The following GRIN2A variants were observed in gnomAD, a reference collection of about 807,000 sequenced individuals.
GRIN2A encodes glutamate receptor ionotropic, NMDA 2A.
In GRIN2A, 22 loss-of-function variants were observed where a neutral mutation model predicts 113.4. The observed-to-expected ratio is 0.19, with a 90% CI of 0.14 to 0.28. The LOEUF is 0.28. GRIN2A is among the 10% of genes least tolerant of loss of function. The probability of loss-of-function intolerance (pLI) is 1.00; values close to 1 mark genes in which losing one functional copy is unlikely to be tolerated. For missense variants in GRIN2A, 1,502 were observed against 1,887.0 expected (o/e 0.80, Z 3.78); for synonymous variants, 827 against 738.4 (o/e 1.12, Z -1.94).
intron 2 of GRIN2A, among the ~76,000 whole-genome samples, chr16:10,106,986 C>T (rs761637001): frequency 3.3e-5 from 5 of 152,146 alleles, no homozygotes; most frequent in Non-Finnish European, 7.3e-5. Context: ...ACATGATGTT[C>T]ATCTCATAAA....
At chr16:9,834,075 A>T in intron 8 of GRIN2A, 30 bp downstream of exon 8, 1 of 1,609,482 alleles carries the variant, frequency 6.2e-7, no homozygotes, top group Non-Finnish European at 8.5e-7. Flanking sequence ...TTGCAACAAC[A>T]TTGAATCATG....
intron 2 of GRIN2A, among the ~76,000 whole-genome samples, chr16:9,996,024 C>CAAAAAA (rs57133009): frequency 2.5e-4 from 13 of 51,134 alleles, no homozygotes; most frequent in East Asian, 1.9e-3. Flanking sequence ...CAGAGGGTGG[C>CAAAAAA]AAAAAAAAAA....
At position 10,004,194 on chromosome 16, in the gene GRIN2A, G is replaced by C. The variant is rs552576598; in HGVS notation, c.415-65643C>G. Among the ~76,000 whole-genome samples, 5 of 152,112 alleles carry C rather than the reference G, an allele frequency of 3.3e-5. No individual in the cohort carries two copies. In the South Asian group the frequency reaches 8.3e-4, roughly 25 times the overall value. On this transcript the variant is annotated intron_variant, in intron 2 of 12. Transcript: ENST00000330684. Reference sequence around the variant, plus strand: ...TCACGAAGTCAGGAGTTTGAGACCAGCCTGGCCAATATGGTGAAACCCCAT... The same window carrying C: ...TCACGAAGTCAGGAGTTTGAGACCACCCTGGCCAATATGGTGAAACCCCAT...
At chr16:9,942,038 A>G (rs1288941093) in intron 2 of GRIN2A, among the ~76,000 whole-genome samples, 1 of 152,190 alleles carries the variant, frequency 6.6e-6, no homozygotes, top group East Asian at 1.9e-4. Context: ...ATTCTCTTGT[A>G]TCAAAACACC....
intron 11 of GRIN2A, among the ~76,000 whole-genome samples, chr16:9,783,971 G>A (rs997113946): frequency 6.6e-6 from 1 of 152,088 alleles, no homozygotes; most frequent in African/African-American, 2.4e-5. Context: ...GCCTAATGGA[G>A]GGTGGAGGAT....
At chr16:9,938,683 T>C in intron 2 of GRIN2A, 132 bp from the exon 3 acceptor site, 1 of 707,702 alleles carries the variant, frequency 1.4e-6, no homozygotes. Context: ...GCATCTACTA[T>C]ATCCCAGACT....
chr16:10,019,031 C>T (rs1274691545), intron 2 of GRIN2A, among the ~76,000 whole-genome samples: 5 of 151,430 alleles, frequency 3.3e-5, no homozygotes, highest in Admixed American at 6.6e-5. Flanking sequence ...TCATCCATTT[C>T]CCAATAAGTC....
At chr16:9,865,874 T>A (rs2043152676) in intron 4 of GRIN2A, among the ~76,000 whole-genome samples, 1 of 152,232 alleles carries the variant, frequency 6.6e-6, no homozygotes, top group Admixed American at 6.5e-5. Flanking sequence ...GAATATTTGG[T>A]GACACAATTA....
chr16:9,799,647 A>T (rs1042264594), intron 10 of GRIN2A, among the ~76,000 whole-genome samples: 1 of 152,124 alleles, frequency 6.6e-6, no homozygotes, highest in African/African-American at 2.4e-5. Context: ...TAGTTTGCCA[A>T]CCCTTGTTTT....
At position 10,022,345 on chromosome 16, in the gene GRIN2A, A is replaced by ATACGT. The variant is rs1227005711; in HGVS notation, c.415-83799_415-83795dup. ...CACACGCACACACGCAAGCACGCAC[A>ATACGT]TACGTGTACCATCCCAGCCACACAG... On this transcript the variant is annotated intron_variant, in intron 2 of 12. Transcript: ENST00000330684. Among the ~76,000 whole-genome samples, 3 of 148,340 alleles carry ATACGT rather than the reference A, an allele frequency of 2.0e-5. No homozygotes were observed. In the South Asian group the frequency reaches 6.5e-4, roughly 32 times the overall value.
At chr16:9,894,439 T>A (rs1025898850) in intron 3 of GRIN2A, among the ~76,000 whole-genome samples, 2 of 152,206 alleles carry the variant, frequency 1.3e-5, no homozygotes, top group Admixed American at 1.3e-4. Context: ...CCATTCATTA[T>A]CTAGACAATT....
At chr16:9,962,172 T>C (rs1337399025) in intron 2 of GRIN2A, among the ~76,000 whole-genome samples, 1 of 152,154 alleles carries the variant, frequency 6.6e-6, no homozygotes, top group African/African-American at 2.4e-5. Context: ...GAAGAAAACC[T>C]AGGCAATACC....
intron 3 of GRIN2A, among the ~76,000 whole-genome samples, chr16:9,929,254 C>G (rs1295541554): frequency 6.6e-6 from 1 of 151,578 alleles, no homozygotes; most frequent in African/African-American, 2.4e-5. Context: ...AGACTCTTCT[C>G]TCTGATTGCC....
chr16:9,774,576 ATAC>A (rs1901485330), intron 11 of GRIN2A, among the ~76,000 whole-genome samples: 1 of 152,258 alleles, frequency 6.6e-6, no homozygotes, highest in African/African-American at 2.4e-5. Flanking sequence ...TTCAGGTACT[ATAC>A]TAGAGTTTAA....
At chr16:10,149,117 G>A (rs1421989770) in intron 2 of GRIN2A, among the ~76,000 whole-genome samples, 1 of 152,142 alleles carries the variant, frequency 6.6e-6, no homozygotes, top group East Asian at 1.9e-4. Context: ...TGGTTAATGG[G>A]TTCAAAAAAT....
At chr16:9,884,335 G>A (rs924258308) in intron 4 of GRIN2A, among the ~76,000 whole-genome samples, 4 of 152,152 alleles carry the variant, frequency 2.6e-5, no homozygotes, top group Non-Finnish European at 4.4e-5. Context: ...GATCACCTGA[G>A]GTCAGGGGTT....
chr16:10,029,667 G>A (rs980898922), intron 2 of GRIN2A, among the ~76,000 whole-genome samples: 3 of 152,082 alleles, frequency 2.0e-5, no homozygotes, highest in African/African-American at 7.2e-5. Context: ...TTCATGCAGG[G>A]GCTTCTTCAT....
rs1225872073 is a variant in GRIN2A at position 9,758,061 on chromosome 16, A to G, written c.*5088T>C. 4.7e-6 allele frequency: 1 copy of G among 212,094 alleles called. No homozygotes were observed. Among genetic ancestry groups the G allele is most frequent in the African/African-American group, 2.3e-5 (1 of 44,182 alleles). 13.1% of individuals were successfully genotyped at this position (212,094 alleles called of 1,614,324 possible). A position where few individuals can be genotyped will look rare whatever the true frequency, so the allele number is the denominator to read the frequency against. ...CGCTCTGATACTCTCTAACTTGATG[A>G]TCTTAAACAGGCAACTGCCCATTTG... On this transcript the variant is annotated 3_prime_UTR_variant, in exon 13 of 13. Coordinates refer to ENST00000330684, the MANE Select transcript of GRIN2A (RefSeq NM_001134407.3).
At chr16:9,963,444 C>G (rs1692554356) in intron 2 of GRIN2A, among the ~76,000 whole-genome samples, 1 of 152,020 alleles carries the variant, frequency 6.6e-6, no homozygotes, top group Admixed American at 6.5e-5. Flanking sequence ...CCCCCCACCC[C>G]TGACAGGCCC....
Sources: gnomAD v4.1 joint callset for allele counts (sites outside exome capture counted in the v4.1 genomes callset) on GRCh38, gnomAD v4.1.1 for gene constraint, MANE v1.5 for transcripts, NCBI Gene and HGNC (gene_info 2026-07-23, HGNC 2026-07-21) for gene names.